Variants in MBP observed in about 807,000 individuals in gnomAD.
MBP encodes the protein Golli-MBP.
MBP carries 16 observed loss-of-function variants against 35.8 expected under a neutral mutation model. The ratio of observed to expected loss-of-function variants is 0.45; its 90% CI spans 0.30 to 0.68. MBP has a LOEUF of 0.68. MBP is among the 30% of genes least tolerant of loss of function. MBP has a pLI of 0.08. For missense variants in MBP, 380 were observed against 404.7 expected (o/e 0.94, Z 0.52); for synonymous variants, 143 against 159.6 (o/e 0.90, Z 0.78).
At chr18:77,059,191 C>A (rs146341291) in intron 3 of MBP, among the ~76,000 whole-genome samples, 1 of 152,170 alleles carries the variant, frequency 6.6e-6, no homozygotes, top group East Asian at 1.9e-4. Context: ...CTTGAGACAA[C>A]CAAAATGAAA....
At chr18:77,121,322 AT>A (rs1161371326) in intron 1 of MBP, among the ~76,000 whole-genome samples, 59 of 127,694 alleles carry the variant, frequency 4.6e-4, no homozygotes, top group Non-Finnish European at 8.2e-4. Flanking sequence ...AAAAAAAAAA[AT>A]AAATAAATAA....
At position 77,020,363 on chromosome 18, in the gene MBP, C is replaced by T. The variant is rs187727714; in HGVS notation, c.140-3095G>A. 6.6e-6 allele frequency among the ~76,000 whole-genome samples: 1 copy of T among 152,280 alleles called. No individual in the cohort carries two copies. The highest frequency in any genetic ancestry group is 6.5e-5 in the Admixed American group (1 of 15,306). On this transcript the variant is annotated intron_variant, in intron 3 of 8. Transcript: ENST00000355994. This position sits in a 1 kb window ranked among gnomAD's most constrained non-coding sequence, Gnocchi z 4.1. Reference sequence around the variant, plus strand: ...CAAGCGACCAAGAGTGAGCAGTGGACAGATATTCTTCTACGTCGGTTTCCA... The same window carrying T: ...CAAGCGACCAAGAGTGAGCAGTGGATAGATATTCTTCTACGTCGGTTTCCA...
At chr18:77,021,773 G>A (rs1022866786) in intron 3 of MBP, among the ~76,000 whole-genome samples, 2 of 152,162 alleles carry the variant, frequency 1.3e-5, no homozygotes, top group Non-Finnish European at 2.9e-5. Flanking sequence ...GTGAGCCACC[G>A]TGCCCAGCCT....
intron 3 of MBP, among the ~76,000 whole-genome samples, chr18:77,051,457 C>A (rs1237717133): frequency 6.6e-6 from 1 of 152,156 alleles, no homozygotes; most frequent in Non-Finnish European, 1.5e-5. Context: ...AGAGACTGCC[C>A]GACAGAGCCC....
chr18:77,021,709 T>C (rs889294217), intron 3 of MBP, among the ~76,000 whole-genome samples: 1 of 152,228 alleles, frequency 6.6e-6, no homozygotes, highest in African/African-American at 2.4e-5. Flanking sequence ...GGTCTCGAAC[T>C]CCTGACCTCG....
intron 2 of MBP, among the ~76,000 whole-genome samples, chr18:77,074,586 GGA>G (rs1315477184): frequency 2.0e-5 from 3 of 152,128 alleles, no homozygotes; most frequent in Admixed American, 6.5e-5. Flanking sequence ...CCTGGGAGGA[GGA>G]GATGCTCGGG....
chr18:77,122,147 T>C (rs1599281537), intron 1 of MBP, among the ~76,000 whole-genome samples: 1 of 152,220 alleles, frequency 6.6e-6, no homozygotes, highest in East Asian at 1.9e-4. Context: ...CCTCAGTTTA[T>C]GCAACAAGTA....
At chr18:76,998,086 C>T (rs1419958672) in intron 4 of MBP, among the ~76,000 whole-genome samples, 1 of 152,224 alleles carries the variant, frequency 6.6e-6, no homozygotes, top group Non-Finnish European at 1.5e-5. Context: ...ACATCACATT[C>T]GCACTGTTGT....
chr18:77,116,716 G>A (rs947418428), intron 1 of MBP, among the ~76,000 whole-genome samples: 3 of 152,130 alleles, frequency 2.0e-5, no homozygotes, highest in East Asian at 1.9e-4. Flanking sequence ...AAACTTCACC[G>A]CGTATGGTGG....
intron 1 of MBP, among the ~76,000 whole-genome samples, chr18:77,129,553 A>T (rs371246894): frequency 5.9e-5 from 9 of 152,330 alleles, no homozygotes; most frequent in African/African-American, 1.9e-4. Flanking sequence ...AGGTTTTGAC[A>T]GAGATTTAAA....
chr18:77,058,042 C>T, intron 3 of MBP, among the ~76,000 whole-genome samples: 1 of 19,400 alleles, frequency 5.2e-5, no homozygotes, highest in East Asian at 2.4e-3. Flanking sequence ...CCGTGTTAGC[C>T]AGGATGGTGT....
chr18:77,115,545 GA>G (rs751544706), intron 1 of MBP: 13 of 152,226 alleles, frequency 8.5e-5, no homozygotes, highest in Non-Finnish European at 1.6e-4. Flanking sequence ...TAATCAAGGA[GA>G]AGAATGCTGT....
chr18:77,014,255 G>A (rs1599064897), intron 4 of MBP: 3 of 985,282 alleles, frequency 3.0e-6, no homozygotes, highest in Non-Finnish European at 3.6e-6. Context: ...GCTCGGGGGC[G>A]GCCGCTCCAA....
In MBP at chr18:76,991,668, A is replaced by G. The variant is rs141274557; in HGVS notation, c.577-1608T>C. On this transcript the variant is annotated intron_variant, in intron 4 of 8. Coordinates refer to ENST00000355994, the MANE Select transcript of MBP (RefSeq NM_001025101.2). Reference sequence around the variant, plus strand: ...TGCTACTTGTTCAGAAATAGCCTGCATGTAAAGAGCCCACACCTCAGGCAG... The same window carrying G: ...TGCTACTTGTTCAGAAATAGCCTGCGTGTAAAGAGCCCACACCTCAGGCAG... 5.1e-4 allele frequency among the ~76,000 whole-genome samples: 77 copies of G among 152,304 alleles called. No homozygotes were observed. In the Middle Eastern group the frequency reaches 0.01, roughly 20 times the overall value.
intron 2 of MBP, among the ~76,000 whole-genome samples, chr18:77,070,880 G>A (rs1009837183): frequency 6.6e-6 from 1 of 152,206 alleles, no homozygotes; most frequent in African/African-American, 2.4e-5. Flanking sequence ...GCGGAATCCT[G>A]GTTGGTTTTG....
intron 2 of MBP, among the ~76,000 whole-genome samples, chr18:77,068,200 G>A (rs1244554550): frequency 6.6e-6 from 1 of 152,168 alleles, no homozygotes; most frequent in Non-Finnish European, 1.5e-5. Context: ...ACAAAATTGA[G>A]GAGGGAAGAA....
rs1489615619 is a variant in MBP at position 77,131,912 on chromosome 18, G to A, written c.-26+668C>T. ...CGACGGGCCCGGCCGAAGAGCCCGA[G>A]ACAGGCCCTGCGAAGGCGGAAGCCC... On this transcript the variant is annotated intron_variant, in intron 1 of 8. Coordinates refer to ENST00000355994, the MANE Select transcript of MBP (RefSeq NM_001025101.2). This position sits in a 1 kb window ranked among gnomAD's most constrained non-coding sequence, Gnocchi z 5.5. Among the ~76,000 whole-genome samples, 1 of 152,098 alleles carries A rather than the reference G, an allele frequency of 6.6e-6. No individual in the cohort carries two copies. Among genetic ancestry groups the A allele is most frequent in the Non-Finnish European group, 1.5e-5 (1 of 67,982 alleles).
At chr18:77,066,697 A>G in intron 2 of MBP, 1 of 573,960 alleles carries the variant, frequency 1.7e-6, no homozygotes, top group South Asian at 1.4e-5. Context: ...TCCAAGGGTG[A>G]GCCCACATAG....
At chr18:77,036,763 C>T (rs369184346) in intron 3 of MBP, among the ~76,000 whole-genome samples, 17 of 131,004 alleles carry the variant, frequency 1.3e-4, no homozygotes, top group Middle Eastern at 6.3e-3. Context: ...CTGAGCTGAG[C>T]AAGTGCTGGT....
Sources: gnomAD v4.1 joint callset for allele counts (sites outside exome capture counted in the v4.1 genomes callset) on GRCh38, gnomAD v4.1.1 for gene constraint, Gnocchi (gnomAD v3.1) non-coding constraint, MANE v1.5 for transcripts, NCBI Gene and HGNC (gene_info 2026-07-23, HGNC 2026-07-21) for gene names.